The following SLC35F3 variants were observed in gnomAD, a reference collection of about 807,000 sequenced individuals.
SLC35F3 encodes the protein solute carrier family 35 member F3.
In SLC35F3, 25 loss-of-function variants were observed where a neutral mutation model predicts 49.9. That is an observed-to-expected ratio of 0.50 (90% confidence interval 0.37 to 0.70). The LOEUF is 0.70. SLC35F3 is among the 30% of genes least tolerant of loss of function. The pLI is 0.00. For missense variants in SLC35F3, 525 were observed against 639.8 expected (o/e 0.82, Z 1.94); for synonymous variants, 275 against 265.4 (o/e 1.04, Z -0.35).
intron 2 of SLC35F3, among the ~76,000 whole-genome samples, chr1:234,200,416 A>G (rs555908239): frequency 2.0e-5 from 3 of 152,116 alleles, no homozygotes; most frequent in East Asian, 1.9e-4. Flanking sequence ...CTCCTATTCT[A>G]TGGGTTGTCT....
In SLC35F3 at chr1:234,164,796, A is replaced by T. The variant is rs78507175; in HGVS notation, c.284-66621A>T. 7.3e-3 allele frequency among the ~76,000 whole-genome samples: 1,050 copies of T among 144,676 alleles called. 16 individuals carry two copies. Among genetic ancestry groups the T allele is most frequent in the African/African-American group, 0.026 (993 of 38,326 alleles). 94.9% of individuals were successfully genotyped at this position (144,676 alleles called of 152,430 possible). Reference sequence around the variant, plus strand: ...GTGTTTAGCCATTACTGAGACTGAGAAAGATATTTTTCTGACATTTTGCAA... The same window carrying T: ...GTGTTTAGCCATTACTGAGACTGAGTAAGATATTTTTCTGACATTTTGCAA... On this transcript the variant is annotated intron_variant, in intron 2 of 7. Transcript: ENST00000366618.
At chr1:234,033,522 T>C (rs182872546) in intron 2 of SLC35F3, among the ~76,000 whole-genome samples, 29 of 152,334 alleles carry the variant, frequency 1.9e-4, no homozygotes, top group African/African-American at 6.0e-4. Flanking sequence ...CATCTCGAGT[T>C]GGCTTTTGCA....
At chr1:233,964,938 A>G (rs566803754) in intron 2 of SLC35F3, among the ~76,000 whole-genome samples, 1 of 152,348 alleles carries the variant, frequency 6.6e-6, no homozygotes, top group African/African-American at 2.4e-5. Flanking sequence ...GTGAAAGGAA[A>G]TTGATCTACC....
At position 234,251,480 on chromosome 1, in the gene SLC35F3, A is replaced by C. The variant is rs1039195376; in HGVS notation, c.608+19739A>C. ...AAACTAAACCAAAAAAAAAAAAAAA[A>C]ACACACACACACACTTTTAAATCCC... is the stretch of plus-strand genomic sequence containing the variant. On this transcript the variant is annotated intron_variant, in intron 3 of 7. Transcript: ENST00000366618. Among the ~76,000 whole-genome samples the C allele has an allele frequency of 9.4e-4, 140 of 148,730 alleles. 1 individual carries two copies. The highest frequency in any genetic ancestry group is 1.3e-3 in the African/African-American group (52 of 40,992).
Position 234,286,400 on chromosome 1 carries a change from C to T in SLC35F3, c.609-22701C>T, listed in dbSNP as rs573061848. Among the ~76,000 whole-genome samples, 246 of 148,462 alleles carry T rather than the reference C, an allele frequency of 1.7e-3. 1 individual carries two copies. The highest frequency in any genetic ancestry group is 3.4e-3 in the South Asian group (15 of 4,474). Reference sequence around the variant, plus strand: ...CAGGAACAGTGGCTGGGGCCAGGGGCGGGGGCGGGCAGCCCGAATGCCACA... The same window carrying T: ...CAGGAACAGTGGCTGGGGCCAGGGGTGGGGGCGGGCAGCCCGAATGCCACA... On this transcript the variant is annotated intron_variant, in intron 3 of 7. Transcript: ENST00000366618.
At chr1:234,145,260 C>T (rs1177530266) in intron 2 of SLC35F3, among the ~76,000 whole-genome samples, 2 of 152,198 alleles carry the variant, frequency 1.3e-5, no homozygotes, top group Non-Finnish European at 2.9e-5. Context: ...CTTTGGATGT[C>T]ATCCTAGTCT....
intron 2 of SLC35F3, among the ~76,000 whole-genome samples, chr1:233,973,390 G>A (rs1042087565): frequency 2.0e-5 from 3 of 152,198 alleles, no homozygotes; most frequent in Non-Finnish European, 4.4e-5. Context: ...AGGTGGCCCA[G>A]TAATCCCGCA....
At chr1:233,983,126 AG>A (rs1663212432) in intron 2 of SLC35F3, among the ~76,000 whole-genome samples, 1 of 152,216 alleles carries the variant, frequency 6.6e-6, no homozygotes, top group Non-Finnish European at 1.5e-5. Context: ...AGAACAATAA[AG>A]AAACCACAGA....
intron 2 of SLC35F3, among the ~76,000 whole-genome samples, chr1:234,078,656 T>C (rs2102871604): frequency 6.6e-6 from 1 of 152,348 alleles, no homozygotes; most frequent in South Asian, 2.1e-4. Flanking sequence ...CTTGGATTCC[T>C]TGGGACTCTA....
rs1181685811 is a variant in SLC35F3, at chr1:234,323,527, T to G, written c.*284T>G. On this transcript the variant is annotated 3_prime_UTR_variant, in exon 8 of 8. Coordinates refer to ENST00000366618, the MANE Select transcript of SLC35F3 (RefSeq NM_173508.4). The surrounding 1 kb of genome is among the most constrained non-coding windows in gnomAD (Gnocchi z 4.5). ...CGTAGATCGTTTTGGATGGCTGACG[T>G]TCTTGACAAGCCAGCCATCAGGGCA... 2.2e-6 allele frequency: 1 copy of G among 445,432 alleles called. No individual in the cohort carries two copies. Among genetic ancestry groups the G allele is most frequent in the Non-Finnish European group, 4.0e-6 (1 of 247,686 alleles). 27.6% of individuals were successfully genotyped at this position (445,432 alleles called of 1,614,324 possible). A position where few individuals can be genotyped will look rare whatever the true frequency, so the allele number is the denominator to read the frequency against.
chr1:234,237,515 T>C (rs1472513369), intron 3 of SLC35F3, among the ~76,000 whole-genome samples: 2 of 152,196 alleles, frequency 1.3e-5, no homozygotes, highest in African/African-American at 4.8e-5. Context: ...GAGCCCTAAT[T>C]AGCGATGCCC....
chr1:233,905,059 TC>T lies in SLC35F3; in HGVS notation c.-16del. On this transcript the variant is annotated 5_prime_UTR_variant, in exon 1 of 8. Coordinates refer to ENST00000366618, the MANE Select transcript of SLC35F3 (RefSeq NM_173508.4). ...CCGCCTCAAGTCTGGGAGCTGCCGGTCCCACTCTGTCTTTGCCTATGGGGAT... is the reference window on the plus strand; with the variant it reads ...CCGCCTCAAGTCTGGGAGCTGCCGGTCCACTCTGTCTTTGCCTATGGGGAT... 1 of 1,555,538 alleles carries T rather than the reference TC, an allele frequency of 6.4e-7. No individual in the cohort carries two copies. The highest frequency in any genetic ancestry group is 8.7e-7 in the Non-Finnish European group (1 of 1,148,862).
At chr1:233,988,944 A>G (rs1180784723) in intron 2 of SLC35F3, among the ~76,000 whole-genome samples, 1 of 152,230 alleles carries the variant, frequency 6.6e-6, no homozygotes, top group African/African-American at 2.4e-5. Context: ...AAGTTCTCCA[A>G]GAATGGACAG....
At chr1:234,256,557 AAAAC>A (rs1264743607) in intron 3 of SLC35F3, among the ~76,000 whole-genome samples, 1 of 152,236 alleles carries the variant, frequency 6.6e-6, no homozygotes, top group Non-Finnish European at 1.5e-5. Flanking sequence ...GTGGTTTGAC[AAAAC>A]AACCAACCAG....
In SLC35F3 at chr1:234,320,605, A is replaced by G. The variant is rs927810073; in HGVS notation, c.1237+418A>G. ...AGCAGAAAAAAAATGTCACTTTTGCAGGTAACTTTCTGGGGGAGAAAATTT... is the reference window on the plus strand; with the variant it reads ...AGCAGAAAAAAAATGTCACTTTTGCGGGTAACTTTCTGGGGGAGAAAATTT... On this transcript the variant is annotated intron_variant, in intron 7 of 7. Transcript: ENST00000366618. The surrounding 1 kb of genome is among the most constrained non-coding windows in gnomAD (Gnocchi z 4.8). Among the ~76,000 whole-genome samples, 1 of 152,186 alleles carries G rather than the reference A, an allele frequency of 6.6e-6. No homozygotes were observed. Among genetic ancestry groups the G allele is most frequent in the Admixed American group, 6.5e-5 (1 of 15,282 alleles).
At chr1:234,247,018 G>T (rs889399862) in intron 3 of SLC35F3, among the ~76,000 whole-genome samples, 1 of 152,226 alleles carries the variant, frequency 6.6e-6, no homozygotes, top group African/African-American at 2.4e-5. Context: ...CCACAGCCAA[G>T]TTCAAGACCC....
rs745700096 is a variant in SLC35F3 at position 233,960,615 on chromosome 1, A to G, written c.283+54857A>G. On this transcript the variant is annotated intron_variant, in intron 2 of 7. Coordinates refer to ENST00000366618, the MANE Select transcript of SLC35F3 (RefSeq NM_173508.4). ...CTGTTGAGTAATGCTAGTTATTAGC[A>G]TAACTTTTTAAGTTAGATCATTTCT... Among the ~76,000 whole-genome samples, 43 of 152,188 alleles carry G rather than the reference A, an allele frequency of 2.8e-4. 1 individual carries two copies. Among genetic ancestry groups the G allele is most frequent in the Non-Finnish European group, 5.7e-4 (39 of 68,034 alleles).
At chr1:234,118,480 G>A (rs1408405883) in intron 2 of SLC35F3, among the ~76,000 whole-genome samples, 4 of 152,130 alleles carry the variant, frequency 2.6e-5, no homozygotes, top group Admixed American at 1.3e-4. Flanking sequence ...TATCGCTGGC[G>A]GGCTATGAAT....
rs1270004918 is a variant in SLC35F3 at position 234,046,059 on chromosome 1, C to G, written c.283+140301C>G. ...CTGTTGATGGACATTTAGTTTATTT[C>G]TCACATTTTGCTACTGAAAACAGCA... On this transcript the variant is annotated intron_variant, in intron 2 of 7. Transcript: ENST00000366618. This position sits in a 1 kb window ranked among gnomAD's most constrained non-coding sequence, Gnocchi z 4.4. Among the ~76,000 whole-genome samples, 2 of 152,066 alleles carry G rather than the reference C, an allele frequency of 1.3e-5. No homozygotes were observed. Among genetic ancestry groups the G allele is most frequent in the Non-Finnish European group, 2.9e-5 (2 of 67,982 alleles).
Sources: allele counts gnomAD v4.1 joint callset (sites outside exome capture counted in the v4.1 genomes callset), GRCh38; gene constraint gnomAD v4.1.1; non-coding constraint Gnocchi (gnomAD v3.1); transcripts MANE v1.5; gene names NCBI Gene and HGNC (gene_info 2026-07-23, HGNC 2026-07-21).